The following ADAMTS20 variants were observed in gnomAD, a reference collection of about 807,000 sequenced individuals.
ADAMTS20 encodes the protein A disintegrin and metalloproteinase with thrombospondin motifs 20.
A neutral mutation model predicts 260.1 loss-of-function variants in ADAMTS20; 225 were observed. The ratio of observed to expected loss-of-function variants is 0.87; its 90% CI spans 0.78 to 0.97. The LOEUF (loss-of-function observed/expected upper bound fraction) is 0.97. ADAMTS20 is among the 50% of genes least tolerant of loss of function. The pLI, the probability that ADAMTS20 is intolerant of heterozygous loss-of-function variation, is 0.00. For missense variants in ADAMTS20, 2,400 were observed against 2,337.7 expected (o/e 1.03, Z -0.55); for synonymous variants, 802 against 769.5 (o/e 1.04, Z -0.70).
At chr12:43,370,293 AT>A (rs1431385790) in intron 36 of ADAMTS20, among the ~76,000 whole-genome samples, 2 of 152,124 alleles carry the variant, frequency 1.3e-5, no homozygotes, top group Non-Finnish European at 2.9e-5. Flanking sequence ...AACTCTGTGC[AT>A]TTCTTCCCAA....
chr12:43,444,443 C>T (rs576709506), intron 15 of ADAMTS20, among the ~76,000 whole-genome samples: 1 of 151,956 alleles, frequency 6.6e-6, no homozygotes, highest in African/African-American at 2.4e-5. Flanking sequence ...TCATCTATTC[C>T]CCAAATTTTA....
chr12:43,463,355 G>A (rs988796167), intron 10 of ADAMTS20, among the ~76,000 whole-genome samples: 11 of 152,044 alleles, frequency 7.2e-5, no homozygotes, highest in Admixed American at 3.9e-4. Flanking sequence ...GCCAAAAGCC[G>A]CTTTTGATAC....
chr12:43,418,152 A>AT (rs1357287665), intron 28 of ADAMTS20, among the ~76,000 whole-genome samples: 2 of 152,170 alleles, frequency 1.3e-5, no homozygotes, highest in East Asian at 1.9e-4. Context: ...AATTTGCTGA[A>AT]TTTTTTTCTA....
At chr12:43,435,510 G>C (rs555843091) in intron 18 of ADAMTS20, among the ~76,000 whole-genome samples, 1 of 151,620 alleles carries the variant, frequency 6.6e-6, no homozygotes, top group Non-Finnish European at 1.5e-5. Context: ...GTGGTGGTGG[G>C]TGCCTGTAGT....
chr12:43,514,747 G>A (rs1198124424), intron 3 of ADAMTS20, among the ~76,000 whole-genome samples: 1 of 152,002 alleles, frequency 6.6e-6, no homozygotes, highest in African/African-American at 2.4e-5. Flanking sequence ...ATTATTTCTT[G>A]AAAAGATGTG....
intron 2 of ADAMTS20, among the ~76,000 whole-genome samples, chr12:43,549,344 GAC>G (rs1199865508): frequency 6.6e-6 from 1 of 151,934 alleles, no homozygotes; most frequent in Non-Finnish European, 1.5e-5. Flanking sequence ...TATCCAAAAT[GAC>G]ACAGTGACTA....
intron 7 of ADAMTS20, among the ~76,000 whole-genome samples, chr12:43,483,134 T>A (rs1942467136): frequency 6.6e-6 from 1 of 152,174 alleles, no homozygotes; most frequent in African/African-American, 2.4e-5. Context: ...TGGTACCTGC[T>A]ACTGGGAAAC....
intron 8 of ADAMTS20, among the ~76,000 whole-genome samples, chr12:43,467,748 T>C (rs773739079): frequency 2.6e-4 from 39 of 152,030 alleles, no homozygotes; most frequent in Non-Finnish European, 5.0e-4. Context: ...TTATGAGATA[T>C]AACCATGCAA....
At chr12:43,510,697 C>T (rs1942910472) in intron 3 of ADAMTS20, among the ~76,000 whole-genome samples, 1 of 152,024 alleles carries the variant, frequency 6.6e-6, no homozygotes, top group South Asian at 2.1e-4. Flanking sequence ...AATACAAAAT[C>T]ACGCACACCA....
At chr12:43,506,137 A>C (rs28822813) in intron 3 of ADAMTS20, among the ~76,000 whole-genome samples, 2 of 131,388 alleles carry the variant, frequency 1.5e-5, no homozygotes, top group African/African-American at 5.5e-5. Flanking sequence ...AAACAAACAA[A>C]AACAACAACA....
chr12:43,416,256 T>C (rs1469388193), intron 28 of ADAMTS20, among the ~76,000 whole-genome samples: 3 of 152,098 alleles, frequency 2.0e-5, no homozygotes, highest in Non-Finnish European at 4.4e-5. Context: ...CTCCTTGACT[T>C]TTCGTCTCTA....
chr12:43,539,514 T>C (rs1943345648), intron 2 of ADAMTS20, among the ~76,000 whole-genome samples: 1 of 152,192 alleles, frequency 6.6e-6, no homozygotes. Context: ...TGGATACTTT[T>C]CTAGGGCTGA....
chr12:43,415,612 T>G (rs1941116019), intron 28 of ADAMTS20, among the ~76,000 whole-genome samples: 1 of 152,188 alleles, frequency 6.6e-6, no homozygotes, highest in African/African-American at 2.4e-5. Flanking sequence ...AATACCCTCC[T>G]TAGTGAGCTA....
At position 43,490,424 on chromosome 12, in the gene ADAMTS20, C is replaced by A; in HGVS notation, c.1088G>T (p.Cys363Phe). Reference sequence around the variant, plus strand: ...CATGTTACATTTCTCTTTAGATGAACAAATGTCTTCCCTTAAAATAAAAGA... The same window carrying A: ...CATGTTACATTTCTCTTTAGATGAAAAAATGTCTTCCCTTAAAATAAAAGA... ...TAVLITREDI[C>F]SSKEKCNMLG... is the part of the protein sequence containing the mutation. The change falls in exon 7 of 39, where the codon TGT becomes TTT. Residue 363 changes from cysteine to phenylalanine, a missense_variant. Transcript: ENST00000389420. The A allele has an allele frequency of 1.5e-6, 2 of 1,297,712 alleles. No homozygotes were observed. Among genetic ancestry groups the A allele is most frequent in the Non-Finnish European group, 1.0e-6 (1 of 962,594 alleles). 80.4% of individuals were successfully genotyped at this position (1,297,712 alleles called of 1,614,324 possible).
intron 28 of ADAMTS20, among the ~76,000 whole-genome samples, chr12:43,405,688 A>G (rs151168535): frequency 7.9e-5 from 12 of 152,254 alleles, no homozygotes; most frequent in Admixed American, 7.8e-4. Flanking sequence ...TACAAAACTG[A>G]GTAAAAATAA....
intron 11 of ADAMTS20, among the ~76,000 whole-genome samples, chr12:43,460,084 A>G (rs1942033186): frequency 1.3e-5 from 2 of 152,244 alleles, no homozygotes; most frequent in Admixed American, 6.5e-5. Context: ...TCCCTTCAAT[A>G]AAAGGTTTAT....
chr12:43,531,861 A>G (rs901775187), intron 3 of ADAMTS20, among the ~76,000 whole-genome samples, 175 bp downstream of exon 3: 2 of 152,182 alleles, frequency 1.3e-5, no homozygotes, highest in Non-Finnish European at 2.9e-5. Context: ...CAATGTATGC[A>G]TACTTCAAAG....
chr12:43,375,646 A>G, intron 35 of ADAMTS20, 134 bp from the exon 36 acceptor site: 5 of 977,116 alleles, frequency 5.1e-6, no homozygotes, highest in Non-Finnish European at 3.0e-6. Context: ...ACAAGAAAGA[A>G]GCAAAAATCA....
At chr12:43,450,381 A>G (rs1009257244) in intron 14 of ADAMTS20, among the ~76,000 whole-genome samples, 1 of 152,208 alleles carries the variant, frequency 6.6e-6, no homozygotes, top group Admixed American at 6.5e-5. Flanking sequence ...CACAAGGCAG[A>G]TATTTTCAAA....
Sources: gnomAD v4.1 joint callset for allele counts (sites outside exome capture counted in the v4.1 genomes callset) on GRCh38, gnomAD v4.1.1 for gene constraint, MANE v1.5 for transcripts, NCBI Gene and HGNC (gene_info 2026-07-23, HGNC 2026-07-21) for gene names.